The following VWA2 variants were observed in gnomAD, a reference collection of about 807,000 sequenced individuals.
The protein encoded by VWA2 is von Willebrand factor A domain-containing protein 2.
A neutral mutation model predicts 70.4 loss-of-function variants in VWA2; 73 were observed. The observed-to-expected ratio is 1.04, with a 90% CI of 0.86 to 1.26. The LOEUF (loss-of-function observed/expected upper bound fraction) is 1.26. VWA2 is among the 50% of genes most tolerant of loss of function. The pLI, the probability that VWA2 is intolerant of heterozygous loss-of-function variation, is 0.00. For missense variants in VWA2, 1,011 were observed against 998.5 expected, an observed-to-expected ratio of 1.01 and a Z score of -0.17; for synonymous variants, 407 against 423.3, an observed-to-expected ratio of 0.96 and a Z score of 0.47.
chr10:114,254,203 C>G (rs930595839), intron 3 of VWA2, among the ~76,000 whole-genome samples: 1 of 151,896 alleles, frequency 6.6e-6, no homozygotes, highest in Non-Finnish European at 1.5e-5. Context: ...TCCCAAATAG[C>G]TGGGACCATA....
intron 1 of VWA2, among the ~76,000 whole-genome samples, chr10:114,240,443 T>C (rs970921086): frequency 6.6e-6 from 1 of 152,200 alleles, no homozygotes; most frequent in Non-Finnish European, 1.5e-5. Flanking sequence ...CAGCTGAAGC[T>C]GAAAGGGGAC....
At chr10:114,274,610 G>C (rs931805226) in intron 6 of VWA2, among the ~76,000 whole-genome samples, 2 of 151,758 alleles carry the variant, frequency 1.3e-5, no homozygotes, top group Non-Finnish European at 2.9e-5. Context: ...GAGTAGCTGG[G>C]ATTATATGTG....
At chr10:114,239,696 T>G (rs1276336890) in intron 1 of VWA2, 127 bp downstream of exon 1, 1 of 152,270 alleles carries the variant, frequency 6.6e-6, no homozygotes, top group Non-Finnish European at 1.5e-5. Context: ...GCACCCGGGC[T>G]GCGCGGCCCC....
At chr10:114,246,536 G>A (rs2037076846) in intron 1 of VWA2, 1 of 719,376 alleles carries the variant, frequency 1.4e-6, no homozygotes, top group Non-Finnish European at 2.4e-6. Context: ...CGAGTATCAT[G>A]GGTTGAATTC....
Position 114,286,453 on chromosome 10 carries a change from G to A in VWA2, c.1512G>A (p.Gln504=), listed in dbSNP as rs766077136. The change falls in exon 11 of 14, where the codon CAG becomes CAA. Residue 504 remains glutamine (Q), a synonymous_variant. Coordinates refer to ENST00000392982, the MANE Select transcript of VWA2 (RefSeq NM_001272046.2). ...PKHVMVYSDP[Q]DLFNQIPELQ... The stretch of plus-strand genomic sequence containing the variant: ...ATGTGATGGTCTACTCGGATCCTCA[G>A]GATCTGTTCAACCAAATCCCTGAGC... The A allele has an allele frequency of 6.2e-7, 1 of 1,610,186 alleles. No individual in the cohort carries two copies. The highest frequency in any genetic ancestry group is 8.5e-7 in the Non-Finnish European group (1 of 1,177,924).
chr10:114,269,333 C>T (rs146385175), intron 5 of VWA2, among the ~76,000 whole-genome samples: 87 of 152,318 alleles, frequency 5.7e-4, no homozygotes, highest in African/African-American at 1.9e-3. Flanking sequence ...GTAATCCCAG[C>T]GCTTTGGGAG....
At position 114,249,468 on chromosome 10, in the gene VWA2, C is replaced by A. The variant is rs147669650; in HGVS notation, c.52+703C>A. Among the ~76,000 whole-genome samples the A allele has an allele frequency of 3.1e-3, 466 of 152,292 alleles. 2 individuals are homozygous for A. Among genetic ancestry groups the A allele is most frequent in the African/African-American group, 0.011 (440 of 41,576 alleles). On this transcript the variant is annotated intron_variant, in intron 2 of 13. Transcript: ENST00000392982. ...AAGGGGTTTCACCATATTGGTCAGG[C>A]TGGTCTTGAACTCCTGACCTCAGGT...
At chr10:114,241,233 A>C (rs1423605893) in intron 1 of VWA2, among the ~76,000 whole-genome samples, 1 of 152,166 alleles carries the variant, frequency 6.6e-6, no homozygotes, top group African/African-American at 2.4e-5. Context: ...ATTATGACCC[A>C]AAGTTCACAG....
At chr10:114,277,166 G>GTT (rs1564727758) in intron 6 of VWA2, among the ~76,000 whole-genome samples, 2 of 89,404 alleles carry the variant, frequency 2.2e-5, no homozygotes, top group Non-Finnish European at 4.6e-5. Flanking sequence ...CTGACTGCAC[G>GTT]TCTTTTTTTT....
At chr10:114,253,767 A>G (rs1247951806) in intron 3 of VWA2, 42 bp downstream of exon 3, 2 of 1,564,292 alleles carry the variant, frequency 1.3e-6, no homozygotes, top group Non-Finnish European at 1.8e-6. Context: ...GCCCACTCAG[A>G]CCTCTGTGTG....
chr10:114,244,252 T>A (rs1426386530), intron 1 of VWA2, among the ~76,000 whole-genome samples: 4 of 152,194 alleles, frequency 2.6e-5, no homozygotes, highest in African/African-American at 9.7e-5. Flanking sequence ...TATGCTTCTG[T>A]GCTTCTGAAC....
At chr10:114,249,613 G>A (rs2037151823) in intron 2 of VWA2, among the ~76,000 whole-genome samples, 1 of 151,998 alleles carries the variant, frequency 6.6e-6, no homozygotes, top group Admixed American at 6.5e-5. Flanking sequence ...TCCGGCATTA[G>A]TTTGCTGAGG....
chr10:114,267,772 A>G (rs2037606029), intron 5 of VWA2, among the ~76,000 whole-genome samples: 1 of 152,090 alleles, frequency 6.6e-6, no homozygotes, highest in South Asian at 2.1e-4. Context: ...AGTCCGTTTC[A>G]TGGCCTGCTG....
At chr10:114,250,100 C>T (rs1466023863) in intron 2 of VWA2, among the ~76,000 whole-genome samples, 2 of 152,218 alleles carry the variant, frequency 1.3e-5, no homozygotes, top group Non-Finnish European at 2.9e-5. Flanking sequence ...CAAGTCACAT[C>T]CCCCTCTTCA....
At chr10:114,270,623 G>T (rs1456673291) in intron 5 of VWA2, among the ~76,000 whole-genome samples, 1 of 152,118 alleles carries the variant, frequency 6.6e-6, no homozygotes, top group East Asian at 1.9e-4. Flanking sequence ...AAGCCATTCT[G>T]CCCTCCCAGG....
intron 6 of VWA2, among the ~76,000 whole-genome samples, chr10:114,275,594 T>C (rs896355173): frequency 6.6e-5 from 10 of 152,168 alleles, no homozygotes; most frequent in African/African-American, 1.7e-4. Flanking sequence ...TGGTTTTTTT[T>C]CCCCCAGATA....
intron 1 of VWA2, among the ~76,000 whole-genome samples, chr10:114,245,156 G>A (rs2037043620): frequency 6.6e-6 from 1 of 152,222 alleles, no homozygotes; most frequent in Non-Finnish European, 1.5e-5. Flanking sequence ...TTGACATCCT[G>A]TGTGCATTTG....
At chr10:114,245,128 A>G (rs1449846961) in intron 1 of VWA2, among the ~76,000 whole-genome samples, 2 of 152,230 alleles carry the variant, frequency 1.3e-5, no homozygotes, top group Admixed American at 6.5e-5. Flanking sequence ...ATTGATCCAA[A>G]CAGCTAGGAG....
intron 7 of VWA2, 51 bp from the exon 8 acceptor site, chr10:114,278,668 G>A (rs1265939588): frequency 6.2e-6 from 10 of 1,603,550 alleles, no homozygotes; most frequent in East Asian, 2.2e-5. Flanking sequence ...GTGGCAGGAG[G>A]AGGTGGAACC....
Sources: allele counts gnomAD v4.1 joint callset (sites outside exome capture counted in the v4.1 genomes callset), GRCh38; gene constraint gnomAD v4.1.1; transcripts MANE v1.5; gene names NCBI Gene and HGNC (gene_info 2026-07-23, HGNC 2026-07-21).